Variants in JMJD1C observed in about 807,000 individuals in gnomAD.
The protein encoded by JMJD1C is jumonji domain-containing protein 1C.
Under a neutral mutation model 245.3 loss-of-function variants are expected in JMJD1C, and 31 were observed. That is an observed-to-expected ratio of 0.13 (90% CI 0.09 to 0.17). The LOEUF (loss-of-function observed/expected upper bound fraction) is 0.17. JMJD1C is among the 10% of genes least tolerant of loss of function. JMJD1C has a pLI of 1.00. For synonymous variants in JMJD1C, 1,057 were observed against 1,017.4 expected (o/e 1.04, Z -0.74); for missense variants, 2,691 against 3,000.2 (o/e 0.90, Z 2.41).
At chr10:63,259,883 C>CT (rs1381348939) in intron 3 of JMJD1C, among the ~76,000 whole-genome samples, 24 of 152,304 alleles carry the variant, frequency 1.6e-4, no homozygotes, top group African/African-American at 4.8e-4. Context: ...TATCTCCAAA[C>CT]TTTATCAGCT....
chr10:63,272,516 T>A (rs572640111), intron 2 of JMJD1C, among the ~76,000 whole-genome samples: 1 of 152,238 alleles, frequency 6.6e-6, no homozygotes, highest in East Asian at 1.9e-4. Context: ...CTCCCAAAGT[T>A]GCTGGGATTA....
chr10:63,518,044 C>T (rs575820006), intron 1 of JMJD1C, among the ~76,000 whole-genome samples: 18 of 152,278 alleles, frequency 1.2e-4, no homozygotes, highest in African/African-American at 2.2e-4. Context: ...CTGCCCTTGT[C>T]GGCCTCCCAA....
At chr10:63,356,726 G>C (rs76920112) in intron 2 of JMJD1C, among the ~76,000 whole-genome samples, 1,654 of 152,322 alleles carry the variant, frequency 0.011, 30 homozygotes, top group African/African-American at 0.037. Flanking sequence ...AGCAAAGTGA[G>C]GCAGGGAGTA....
intron 2 of JMJD1C, among the ~76,000 whole-genome samples, chr10:63,305,397 A>C (rs1937940204): frequency 2.7e-5 from 4 of 145,702 alleles, no homozygotes; most frequent in African/African-American, 1.0e-4. Context: ...AAAAGGTTGC[A>C]GTGAGCTCTA....
At chr10:63,204,663 A>G (rs1846391200) in intron 10 of JMJD1C, 2 of 985,280 alleles carry the variant, frequency 2.0e-6, no homozygotes, top group South Asian at 9.4e-5. Flanking sequence ...CACTGTATAT[A>G]ATCCAATATT....
intron 10 of JMJD1C, chr10:63,203,850 CCTAA>C: frequency 1.0e-6 from 1 of 981,564 alleles, no homozygotes; most frequent in Non-Finnish European, 1.2e-6. Flanking sequence ...TAGGTGTAAG[CCTAA>C]CTCATTCTTT....
rs61745579 is a variant in JMJD1C at position 63,215,345 on chromosome 10, T to G, written c.933A>C (p.Pro311=). 6.2e-6 allele frequency: 10 copies of G among 1,614,202 alleles called. No homozygotes were observed. The African/African-American group carries it at 8.0e-5, about 13-fold the overall frequency. ...HQQQQQRSIR[P]NKRKGSDSSI... ...TGCTATCTGAGCCCTTCCTCTTATT[T>G]GGACGGATACTTCTTTGTTGCTGTT... The change falls in exon 7 of 26, where the codon CCA becomes CCC. Residue 311 remains proline, a synonymous_variant. Coordinates refer to ENST00000399262, the MANE Select transcript of JMJD1C (RefSeq NM_032776.3).
At chr10:63,295,966 T>TACAC (rs1310395037) in intron 2 of JMJD1C, among the ~76,000 whole-genome samples, 913 of 11,980 alleles carry the variant, frequency 0.076, 11 homozygotes, top group African/African-American at 0.17. Flanking sequence ...TATATGTGTG[T>TACAC]GTGTGTGTGT....
At chr10:63,230,395 A>G (rs1229608953) in intron 3 of JMJD1C, among the ~76,000 whole-genome samples, 3 of 151,968 alleles carry the variant, frequency 2.0e-5, no homozygotes, top group Non-Finnish European at 4.4e-5. Context: ...CCACTTCTTT[A>G]CCCTGCACTT....
intron 3 of JMJD1C, among the ~76,000 whole-genome samples, chr10:63,255,530 C>A (rs1589298825): frequency 6.6e-6 from 1 of 152,136 alleles, no homozygotes; most frequent in South Asian, 2.1e-4. Flanking sequence ...GTTCCCAATT[C>A]CAGTCTGAGT....
At position 63,186,325 on chromosome 10, in the gene JMJD1C, G is replaced by A; in HGVS notation, c.6629C>T (p.Ser2210Leu). The A allele has an allele frequency of 6.2e-7, 1 of 1,613,500 alleles. No individual in the cohort carries two copies. The highest frequency in any genetic ancestry group is 8.5e-7 in the Non-Finnish European group (1 of 1,179,658). ...GTGGTCTCCAAAATCAAGACTAATT[G>A]ATTCCGCCTTCCATAGGCTAATGTT... is the stretch of plus-strand genomic sequence containing the variant. ...KMNISLWKAE[S>L]ISLDFGDHQA... The change falls in exon 19 of 26, where the codon TCA becomes TTA. Residue 2210 changes from serine (S) to leucine (L), a missense_variant. By Grantham distance (145) the Ser-to-Leu change is moderately radical (BLOSUM62 -2). Coordinates refer to ENST00000399262, the MANE Select transcript of JMJD1C (RefSeq NM_032776.3).
In JMJD1C at chr10:63,465,878, T is replaced by C. The variant is rs552925306; in HGVS notation, c.-216A>G. ...CTTTGGACTCCCAGATTCGCAGCCT[T>C]GTGCTGCAGCGCCACACAAGAAAAC... On this transcript the variant is annotated 5_prime_UTR_variant, in exon 1 of 26. Transcript: ENST00000399262. 1.8e-4 allele frequency: 122 copies of C among 675,878 alleles called. 1 individual carries two copies. In the Admixed American group the frequency reaches 2.3e-3, roughly 13 times the overall value. 41.9% of individuals were successfully genotyped at this position (675,878 alleles called of 1,614,324 possible). A position where few individuals can be genotyped will look rare whatever the true frequency, so the allele number is the denominator to read the frequency against.
intron 2 of JMJD1C, among the ~76,000 whole-genome samples, chr10:63,326,662 C>T (rs1330261719): frequency 6.6e-6 from 1 of 151,108 alleles, no homozygotes; most frequent in Non-Finnish European, 1.5e-5. Context: ...GGCAGATTAC[C>T]TGAGGTCAGG....
intron 2 of JMJD1C, among the ~76,000 whole-genome samples, chr10:63,373,272 A>C: frequency 6.6e-6 from 1 of 152,226 alleles, no homozygotes. Context: ...TCAGCATCTT[A>C]CATGTGGTGC....
intron 1 of JMJD1C, among the ~76,000 whole-genome samples, chr10:63,417,611 C>T (rs972189873): frequency 6.6e-6 from 1 of 152,104 alleles, no homozygotes; most frequent in African/African-American, 2.4e-5. Context: ...ACACAGTAAT[C>T]TTGTGCCTCA....
At chr10:63,408,574 C>T (rs954943367) in intron 1 of JMJD1C, among the ~76,000 whole-genome samples, 1 of 151,998 alleles carries the variant, frequency 6.6e-6, no homozygotes, top group Admixed American at 6.6e-5. Flanking sequence ...CTGATTAATG[C>T]TTCCCAAATT....
Position 63,473,271 on chromosome 10 carries a change from G to C in JMJD1C, n.113+48467C>G, listed in dbSNP as rs1010902738. 4.0e-5 allele frequency among the ~76,000 whole-genome samples: 6 copies of C among 151,216 alleles called. No homozygotes were observed. The South Asian group carries it at 6.3e-4, about 16-fold the overall frequency. On this transcript the variant is annotated intron_variant and non_coding_transcript_variant, in intron 1 of 3. Coordinates refer to the JMJD1C transcript ENST00000633035. ...AAAAAAACTTTTTTTTTTGAGACAC[G>C]GTCTCACTCTGTCATCCAGGCTGGA...
At chr10:63,351,661 T>C (rs1203967132) in intron 2 of JMJD1C, among the ~76,000 whole-genome samples, 2 of 152,160 alleles carry the variant, frequency 1.3e-5, no homozygotes, top group African/African-American at 2.4e-5. Flanking sequence ...CCTCTGTTCA[T>C]GCAAAGAAGA....
chr10:63,476,871 A>G (rs1230678678), intron 1 of JMJD1C, among the ~76,000 whole-genome samples: 5 of 152,214 alleles, frequency 3.3e-5, no homozygotes. Context: ...TCAAAGCTGC[A>G]GAAAGAAATC....
Sources: allele counts gnomAD v4.1 joint callset (sites outside exome capture counted in the v4.1 genomes callset), GRCh38; gene constraint gnomAD v4.1.1; transcripts MANE v1.5; gene names NCBI Gene and HGNC (gene_info 2026-07-23, HGNC 2026-07-21).